The following LRCH3 variants were observed in gnomAD, a reference collection of about 807,000 sequenced individuals.
The protein encoded by LRCH3 is DISP complex protein LRCH3.
In LRCH3, 68 loss-of-function variants were observed where a neutral mutation model predicts 104.5. The ratio of observed to expected loss-of-function variants is 0.65; its 90% CI spans 0.54 to 0.80. The LOEUF (loss-of-function observed/expected upper bound fraction) is 0.80. Among genes scored for constraint, LRCH3 ranks in the 30% least tolerant of loss-of-function variants. The pLI is 0.00. For missense variants in LRCH3, 951 were observed against 953.9 expected (o/e 1.00, Z 0.04); for synonymous variants, 344 against 361.3 (o/e 0.95, Z 0.54).
intron 19 of LRCH3, among the ~76,000 whole-genome samples, chr3:197,871,795 T>G (rs1712223661): frequency 1.3e-5 from 2 of 152,174 alleles, no homozygotes; most frequent in African/African-American, 4.8e-5. Context: ...TTTCCAGCAG[T>G]ACAGAGAGGG....
At chr3:197,830,945 G>C in intron 7 of LRCH3, 82 bp downstream of exon 7, 1 of 1,208,796 alleles carries the variant, frequency 8.3e-7, no homozygotes. Flanking sequence ...GTCTTAACTG[G>C]ATTCAGTTTC....
chr3:197,797,984 T>A (rs1472200219), intron 1 of LRCH3, among the ~76,000 whole-genome samples: 1 of 152,082 alleles, frequency 6.6e-6, no homozygotes, highest in Admixed American at 6.5e-5. Context: ...CTGGGTGCAG[T>A]GGCTCACGCC....
At chr3:197,814,701 A>G (rs1310531063) in intron 1 of LRCH3, among the ~76,000 whole-genome samples, 1 of 152,196 alleles carries the variant, frequency 6.6e-6, no homozygotes, top group African/African-American at 2.4e-5. Flanking sequence ...GCCTTTAGGA[A>G]GGTGGATTTT....
intron 12 of LRCH3, among the ~76,000 whole-genome samples, chr3:197,850,228 T>C (rs1161105594): frequency 2.0e-5 from 3 of 152,170 alleles, no homozygotes; most frequent in African/African-American, 7.2e-5. Flanking sequence ...AAATGAATTA[T>C]TGAGATGATG....
At position 197,833,430 on chromosome 3, in the gene LRCH3, C is replaced by T. The variant is rs953436595; in HGVS notation, c.1102+1113C>T. On this transcript the variant is annotated intron_variant, in intron 8 of 20. Coordinates refer to ENST00000425562, the MANE Select transcript of LRCH3 (RefSeq NM_001365715.1). ...GCATATGCCTGTAATCCCAGCTACT[C>T]GGGAGGCTGAGGCAGGAGAATCACT... 1.2e-4 allele frequency among the ~76,000 whole-genome samples: 16 copies of T among 130,350 alleles called. No homozygotes were observed. In the East Asian group the frequency reaches 1.3e-3, roughly 11 times the overall value. 85.5% of individuals were successfully genotyped at this position (130,350 alleles called of 152,430 possible).
chr3:197,868,842 T>C (rs998324347), intron 17 of LRCH3, among the ~76,000 whole-genome samples: 4 of 152,174 alleles, frequency 2.6e-5, no homozygotes, highest in South Asian at 4.1e-4. Flanking sequence ...TGGGTACTTA[T>C]GGGCAAGGAG....
intron 8 of LRCH3, among the ~76,000 whole-genome samples, chr3:197,835,067 G>C (rs562376684): frequency 7.9e-5 from 12 of 152,090 alleles, no homozygotes; most frequent in African/African-American, 2.2e-4. Flanking sequence ...TCGCTTGAAC[G>C]TGAGAAGCAG....
rs1410255283 is a variant in LRCH3, at chr3:197,810,007, C to T, written c.263-4901C>T. 2.0e-5 allele frequency among the ~76,000 whole-genome samples: 3 copies of T among 152,188 alleles called. No homozygotes were observed. The highest frequency in any genetic ancestry group is 1.9e-4 in the East Asian group (1 of 5,178). On this transcript the variant is annotated intron_variant, in intron 1 of 20. Transcript: ENST00000425562. This position sits in a 1 kb window ranked among gnomAD's most constrained non-coding sequence, Gnocchi z 4.0. ...CAAGGATGGAAATTTAGGATCCCCA[C>T]GTAACCTTTGAGTAGGGGTGAGGCT... is the stretch of plus-strand genomic sequence containing the variant.
chr3:197,887,482 G>A lies in LRCH3; in HGVS notation c.*3816G>A, dbSNP rs1445522912. On this transcript the variant is annotated 3_prime_UTR_variant, in exon 21 of 21. Transcript: ENST00000425562. ...AGCAGAGCCCTTCCCATCACTGACA[G>A]TGTTGGGGGCTGAGAGCCCCCCAGC... 4.2e-5 allele frequency: 6 copies of A among 144,230 alleles called. No individual in the cohort carries two copies. Among genetic ancestry groups the A allele is most frequent in the Non-Finnish European group, 9.0e-5 (6 of 66,660 alleles). The allele number at this position is 144,230 out of a possible 1,614,324, so 8.9% of individuals were successfully genotyped here.
rs892052520 is a variant in LRCH3, at chr3:197,887,934, C to T, written c.*4268C>T. On this transcript the variant is annotated 3_prime_UTR_variant, in exon 21 of 21. Coordinates refer to ENST00000425562, the MANE Select transcript of LRCH3 (RefSeq NM_001365715.1). ...AATCTGTGTTTAGCACTCCAGTGTT[C>T]TCTTGTAATAGCCAGGTCTGGAAAC... is the stretch of plus-strand genomic sequence containing the variant. 3.9e-5 allele frequency: 6 copies of T among 152,372 alleles called. No homozygotes were observed. Among genetic ancestry groups the T allele is most frequent in the African/African-American group, 1.2e-4 (5 of 41,466 alleles). The allele number at this position is 152,372 out of a possible 1,614,324, so 9.4% of individuals were successfully genotyped here.
chr3:197,869,955 G>A (rs991543943), intron 17 of LRCH3, among the ~76,000 whole-genome samples: 7 of 150,918 alleles, frequency 4.6e-5, no homozygotes, highest in African/African-American at 7.3e-5. Flanking sequence ...CACTGTACCC[G>A]CAGGAGGTAG....
Position 197,792,604 on chromosome 3 carries a change from T to TATAA in LRCH3, c.262+1065_262+1066insTAAA, listed in dbSNP as rs1553912025. Reference sequence around the variant, plus strand: ...ATATATATATATATATATATATATATAAAATATACATATATATATAATATA... The same window carrying TATAA: ...ATATATATATATATATATATATATATATAAAAAATATACATATATATATAATATA... On this transcript the variant is annotated intron_variant, in intron 1 of 20. Transcript: ENST00000425562. Among the ~76,000 whole-genome samples the TATAA allele has an allele frequency of 7.3e-4, 43 of 58,552 alleles. 9 individuals carry two copies. Among genetic ancestry groups the TATAA allele is most frequent in the East Asian group, 1.3e-3 (2 of 1,572 alleles). The allele number at this position is 58,552 out of a possible 152,430, so 38.4% of individuals were successfully genotyped here.
chr3:197,848,272 T>A, intron 12 of LRCH3: 1 of 400,456 alleles, frequency 2.5e-6, no homozygotes, highest in Non-Finnish European at 4.6e-6. Flanking sequence ...CCTCAATTTC[T>A]AGTGTCATAG....
chr3:197,861,732 T>G (rs760122059), intron 15 of LRCH3, among the ~76,000 whole-genome samples: 4 of 152,112 alleles, frequency 2.6e-5, no homozygotes, highest in Middle Eastern at 3.2e-3. Context: ...AGTTCTGGGT[T>G]TTTTTTTCTT....
At chr3:197,812,476 C>CAT (rs1733237944) in intron 1 of LRCH3, among the ~76,000 whole-genome samples, 1 of 115,110 alleles carries the variant, frequency 8.7e-6, no homozygotes, top group African/African-American at 3.3e-5. Flanking sequence ...TATTGGCCTA[C>CAT]AAATATCTGT....
intron 4 of LRCH3, among the ~76,000 whole-genome samples, chr3:197,820,671 G>A (rs189200026): frequency 9.9e-5 from 15 of 152,252 alleles, no homozygotes; most frequent in African/African-American, 3.4e-4. Context: ...TAGCCCAGGG[G>A]GCTGGCGCAC....
Position 197,791,531 on chromosome 3 carries a change from A to G in LRCH3, c.253A>G (p.Thr85Ala), listed in dbSNP as rs748082145. 3 of 1,583,558 alleles carry G rather than the reference A, an allele frequency of 1.9e-6. No homozygotes were observed. The South Asian group carries it at 3.4e-5, about 18-fold the overall frequency. The change falls in exon 1 of 21, where the codon ACC becomes GCC. Residue 85 changes from threonine (T) to alanine (A), a missense_variant. Transcript: ENST00000425562. ...GGCCAACCACGACCTGACGGACACC[A>G]CCCGGGCGGGTGAGCGGGGCGGGGG... ...GAANHDLTDT[T>A]RADLSRNRLS... is the part of the protein sequence containing the mutation.
At chr3:197,839,933 T>C (rs1737540608) in intron 10 of LRCH3, among the ~76,000 whole-genome samples, 3 of 151,450 alleles carry the variant, frequency 2.0e-5, no homozygotes, top group Admixed American at 1.3e-4. Flanking sequence ...GTTTGTGCCA[T>C]TGCAGTCCAA....
At chr3:197,824,657 C>T (rs1180031756) in intron 4 of LRCH3, among the ~76,000 whole-genome samples, 1 of 150,370 alleles carries the variant, frequency 6.7e-6, no homozygotes, top group African/African-American at 2.5e-5. Context: ...ACCTCTGCCC[C>T]CCCGTCCCGG....
Sources: allele counts gnomAD v4.1 joint callset (sites outside exome capture counted in the v4.1 genomes callset), GRCh38; gene constraint gnomAD v4.1.1; non-coding constraint Gnocchi (gnomAD v3.1); transcripts MANE v1.5; gene names NCBI Gene and HGNC (gene_info 2026-07-23, HGNC 2026-07-21).